Variants in TTLL10 observed in about 807,000 individuals in gnomAD.
The protein encoded by TTLL10 is inactive polyglycylase TTLL10.
Under a neutral mutation model 69.0 loss-of-function variants are expected in TTLL10, and 61 were observed. The observed-to-expected ratio is 0.88, with a 90% CI of 0.72 to 1.09. TTLL10 has a LOEUF of 1.09. Among genes scored for constraint, TTLL10 ranks in the 50% least tolerant of loss-of-function variants. The pLI, the probability that TTLL10 is intolerant of heterozygous loss-of-function variation, is 0.00. For missense variants in TTLL10, 962 were observed against 945.9 expected, an observed-to-expected ratio of 1.02 and a Z score of -0.22; for synonymous variants, 408 against 393.3, an observed-to-expected ratio of 1.04 and a Z score of -0.44.
chr1:1,190,543 T>G (rs1441641818), intron 13 of TTLL10, among the ~76,000 whole-genome samples: 1 of 151,832 alleles, frequency 6.6e-6, no homozygotes, highest in Non-Finnish European at 1.5e-5. Flanking sequence ...TTCTCCTGCC[T>G]CAGCTTCCCG....
At chr1:1,189,405 G>A (rs79800260) in intron 13 of TTLL10, among the ~76,000 whole-genome samples, 70 of 152,296 alleles carry the variant, frequency 4.6e-4, no homozygotes, top group Middle Eastern at 3.4e-3. Flanking sequence ...TTAATGTGTT[G>A]TATCGCACTG....
chr1:1,179,011 C>T (rs1646956105), intron 3 of TTLL10, among the ~76,000 whole-genome samples, 178 bp from the exon 4 acceptor site: 1 of 152,232 alleles, frequency 6.6e-6, no homozygotes, highest in Non-Finnish European at 1.5e-5. Flanking sequence ...CACACGGCGC[C>T]AGGCCCCACA....
intron 13 of TTLL10, among the ~76,000 whole-genome samples, chr1:1,192,598 T>C (rs961897141): frequency 1.3e-5 from 2 of 151,486 alleles, no homozygotes; most frequent in Non-Finnish European, 2.9e-5. Flanking sequence ...GACACTCCAA[T>C]TGATATCAGT....
rs140187110 is a variant in TTLL10, at chr1:1,180,808, C to T, written c.703C>T (p.Arg235Trp). 243 of 1,602,492 alleles carry T rather than the reference C, an allele frequency of 1.5e-4. No individual in the cohort carries two copies. In the African/African-American group the frequency reaches 2.3e-3, roughly 15 times the overall value. The change falls in exon 8 of 16, where the codon CGG becomes TGG. Residue 235 changes from arginine to tryptophan, a missense_variant. Transcript: ENST00000379289. ...CGGGCTGCTCAGCACCCTTCGGGGA[C>T]GGGCACGGGCCATGAGCAAGGCCAG... ...KIGLLSTLRG[R>W]ARAMSKASKV...
rs1407968315 is a variant in TTLL10, at chr1:1,196,710, C to T, written c.1512C>T (p.Asn504=). The T allele has an allele frequency of 1.3e-6, 2 of 1,549,210 alleles. No individual in the cohort carries two copies. Among genetic ancestry groups the T allele is most frequent in the African/African-American group, 2.7e-5 (2 of 72,974 alleles). The change falls in exon 14 of 16, where the codon AAC becomes AAT. Residue 504 remains asparagine, a synonymous_variant. Coordinates refer to ENST00000379289, the MANE Select transcript of TTLL10 (RefSeq NM_001130045.2). Reference sequence around the variant, plus strand: ...GCTGTGACTTCCTGATTGATGACAACTTCAAGGTGCTGTCCTGGGCGGCGG... The same window carrying T: ...GCTGTGACTTCCTGATTGATGACAATTTCAAGGTGCTGTCCTGGGCGGCGG... The part of the protein sequence containing the change: ...LIGCDFLIDD[N]FKVWLLEMNS...
intron 13 of TTLL10, among the ~76,000 whole-genome samples, chr1:1,194,570 A>G (rs964123658): frequency 2.0e-5 from 3 of 152,186 alleles, no homozygotes; most frequent in African/African-American, 7.2e-5. Context: ...TCATTTTTGA[A>G]GCAGCTTTTG....
In TTLL10 at chr1:1,180,108, G is replaced by A. The variant is rs370591688; in HGVS notation, c.274G>A (p.Asp92Asn). 145 of 1,611,028 alleles carry A rather than the reference G, an allele frequency of 9.0e-5. No individual in the cohort carries two copies. The highest frequency in any genetic ancestry group is 6.6e-4 in the Middle Eastern group (4 of 6,064). Residue 92 changes from aspartate to asparagine, a missense_variant, in exon 6 of 16, where the codon GAC becomes AAC. By Grantham distance (23) the Asp-to-Asn change is conservative. Coordinates refer to ENST00000379289, the MANE Select transcript of TTLL10 (RefSeq NM_001130045.2). ...GTGTCAGCCAAGCCAGCCAGACCAC[G>A]ACGCAGATGGACACTGTGGGCCGGA... ...LRCQPSQPDH[D>N]ADGHCGPDLE...
chr1:1,178,113 G>A (rs931660357), intron 3 of TTLL10, among the ~76,000 whole-genome samples: 1 of 152,156 alleles, frequency 6.6e-6, no homozygotes, highest in Non-Finnish European at 1.5e-5. Flanking sequence ...AGACACAAAG[G>A]CTTCCTGCGG....
chr1:1,193,355 A>C (rs979912512), intron 13 of TTLL10, among the ~76,000 whole-genome samples: 1 of 151,800 alleles, frequency 6.6e-6, no homozygotes, highest in Non-Finnish European at 1.5e-5. Flanking sequence ...ATTACTGATA[A>C]GGTAGGATTT....
chr1:1,178,943 C>T (rs1009659041), intron 3 of TTLL10, among the ~76,000 whole-genome samples: 5 of 152,234 alleles, frequency 3.3e-5, no homozygotes, highest in African/African-American at 7.2e-5. Flanking sequence ...CCTGAAGAGC[C>T]GCTCCGGCCA....
rs542384528 is a variant in TTLL10 at position 1,182,791 on chromosome 1, T to G, written c.917-85T>G. 2,452 of 1,461,726 alleles carry G rather than the reference T, an allele frequency of 1.7e-3. 1 individual carries two copies. Among genetic ancestry groups the G allele is most frequent in the Non-Finnish European group, 2.0e-3 (2,179 of 1,099,232 alleles). 90.5% of individuals were successfully genotyped at this position (1,461,726 alleles called of 1,614,324 possible). On this transcript the variant is annotated intron_variant, in intron 10 of 15. Coordinates refer to ENST00000379289, the MANE Select transcript of TTLL10 (RefSeq NM_001130045.2). ...AATGGCCGGGCCGAGGGTCGCAGCC[T>G]GGAGGGGAGGGTCCTGGTCGGGCCC...
At chr1:1,183,079 T>C in intron 11 of TTLL10, 32 bp downstream of exon 11, 23 of 1,558,988 alleles carry the variant, frequency 1.5e-5, no homozygotes, top group Non-Finnish European at 2.0e-5. Flanking sequence ...GGGGTGAGGG[T>C]CTGGGCTGGC....
intron 13 of TTLL10, among the ~76,000 whole-genome samples, chr1:1,194,734 C>T (rs80172355): frequency 0.01 from 1,566 of 152,270 alleles, 26 homozygotes; most frequent in African/African-American, 0.033. Flanking sequence ...CTGCTGATTT[C>T]GACGTTCTCT....
chr1:1,191,025 T>G (rs1647736271), intron 13 of TTLL10, among the ~76,000 whole-genome samples: 1 of 152,206 alleles, frequency 6.6e-6, no homozygotes, highest in African/African-American at 2.4e-5. Context: ...GATGGGGGTT[T>G]CACCATGTTG....
At chr1:1,197,316 C>T (rs972583042) in intron 15 of TTLL10, 122 bp from the exon 16 acceptor site, 30 of 1,301,454 alleles carry the variant, frequency 2.3e-5, no homozygotes, top group Middle Eastern at 2.6e-4. Context: ...GTGGCAGCGC[C>T]GCCCCCTGCC....
At position 1,182,923 on chromosome 1, in the gene TTLL10, G is replaced by A. The variant is rs146443945; in HGVS notation, c.964G>A (p.Gly322Ser). 6.3e-7 allele frequency: 1 copy of A among 1,597,744 alleles called. No individual in the cohort carries two copies. The highest frequency in any genetic ancestry group is 8.5e-7 in the Non-Finnish European group (1 of 1,172,618). Residue 322 changes from glycine (G) to serine (S), a missense_variant, in exon 11 of 16, where the codon GGC becomes AGC. By Grantham distance (56) the Gly-to-Ser change is moderately conservative. Transcript: ENST00000379289. ...GCCCACAGCCTCCAACCAGGGCAAA[G>A]GCATCTTCCTGCTCCGGAACCAGGA... ...CKPTASNQGK[G>S]IFLLRNQEEV...
At chr1:1,176,209 C>T (rs532013850) in intron 3 of TTLL10, 15,474 of 405,938 alleles carry the variant, frequency 0.038, 643 homozygotes, top group East Asian at 0.069. Flanking sequence ...GGAGAGGCTG[C>T]TGCTCCCAGC....
In TTLL10 at chr1:1,174,441, G is replaced by A. The variant is rs987144923; in HGVS notation, c.-76G>A. The A allele has an allele frequency of 2.0e-4, 30 of 152,604 alleles. No individual in the cohort carries two copies. The highest frequency in any genetic ancestry group is 7.2e-4 in the African/African-American group (30 of 41,592). 9.5% of individuals were successfully genotyped at this position (152,604 alleles called of 1,614,324 possible). A position where few individuals can be genotyped will look rare whatever the true frequency, so the allele number is the denominator to read the frequency against. On this transcript the variant is annotated 5_prime_UTR_variant, in exon 3 of 16. Coordinates refer to ENST00000379289, the MANE Select transcript of TTLL10 (RefSeq NM_001130045.2). The stretch of plus-strand genomic sequence containing the variant: ...TTCTTCAGGTTTAAAAGTCTCTTCT[G>A]TTCATCCTACCGGGGTGCCGTCTCC...
chr1:1,180,059 G>T lies in TTLL10; in HGVS notation c.225G>T (p.Gly75=), dbSNP rs1167760691. 1 of 1,584,788 alleles carries T rather than the reference G, an allele frequency of 6.3e-7. No individual in the cohort carries two copies. Among genetic ancestry groups the T allele is most frequent in the Non-Finnish European group, 8.6e-7 (1 of 1,165,198 alleles). The change falls in exon 6 of 16, where the codon GGG becomes GGT. Residue 75 remains glycine, a synonymous_variant. Transcript: ENST00000379289. ...PVGPAHERPM[G]SSQEEGLRCQ... is the part of the protein sequence containing the mutation. The stretch of plus-strand genomic sequence containing the variant: ...GCCCGGCCCACGAGAGGCCAATGGG[G>T]AGCAGCCAGGAGGAGGGACTCCGGT...
Sources: gnomAD v4.1 joint callset for allele counts (sites outside exome capture counted in the v4.1 genomes callset) on GRCh38, gnomAD v4.1.1 for gene constraint, MANE v1.5 for transcripts, NCBI Gene and HGNC (gene_info 2026-07-23, HGNC 2026-07-21) for gene names.